WWOX: variants seen among roughly 807,000 people sequenced by gnomAD.
WWOX encodes WW domain-containing oxidoreductase.
WWOX carries 69 observed loss-of-function variants against 46.2 expected under a neutral mutation model. That is an observed-to-expected ratio of 1.49 (90% CI 1.23 to 1.82). WWOX has a LOEUF of 1.82. WWOX is among the 40% of genes most tolerant of loss of function. The probability of loss-of-function intolerance (pLI) is 0.00; values close to 1 mark genes in which losing one functional copy is unlikely to be tolerated. For missense variants in WWOX, 919 were observed against 542.6 expected (o/e 1.69, Z -6.89); for synonymous variants, 359 against 202.6 (o/e 1.77, Z -6.56).
intron 8 of WWOX, among the ~76,000 whole-genome samples, chr16:78,508,055 T>G (rs2085260425): frequency 6.6e-6 from 1 of 151,884 alleles, no homozygotes; most frequent in African/African-American, 2.4e-5. Context: ...TCACTCAGGC[T>G]GGAGTGTAGT....
intron 8 of WWOX, chr16:78,526,012 G>T (rs2043456916): frequency 6.6e-6 from 1 of 152,238 alleles, no homozygotes; most frequent in African/African-American, 2.4e-5. Flanking sequence ...CTGACACCCA[G>T]TAAGCAGCTC....
intron 8 of WWOX, among the ~76,000 whole-genome samples, chr16:78,734,960 G>A (rs1323530855): frequency 7.1e-6 from 1 of 140,874 alleles, no homozygotes; most frequent in Non-Finnish European, 1.5e-5. Context: ...CAGCCTCCCA[G>A]GTTCAAGCGA....
chr16:78,758,274 T>TA (rs2049706362), intron 8 of WWOX, among the ~76,000 whole-genome samples: 1 of 152,224 alleles, frequency 6.6e-6, no homozygotes, highest in Non-Finnish European at 1.5e-5. Context: ...GAGAATACTC[T>TA]AAGCCCAATG....
At chr16:78,336,632 G>C (rs1454893722) in intron 5 of WWOX, among the ~76,000 whole-genome samples, 2 of 152,110 alleles carry the variant, frequency 1.3e-5, no homozygotes, top group Non-Finnish European at 2.9e-5. Context: ...TGTACTTTGG[G>C]AGGTAAGGAC....
intron 5 of WWOX, among the ~76,000 whole-genome samples, chr16:78,310,678 T>G (rs540556303): frequency 6.6e-6 from 1 of 152,218 alleles, no homozygotes; most frequent in South Asian, 2.1e-4. Context: ...CGGGGATTTA[T>G]ACCCCAAAAC....
intron 8 of WWOX, among the ~76,000 whole-genome samples, chr16:78,456,585 C>T (rs561115757): frequency 6.6e-5 from 10 of 152,070 alleles, no homozygotes; most frequent in South Asian, 2.1e-4. Context: ...GTATTTTTTT[C>T]TTCTGATGGG....
chr16:78,663,590 C>A (rs1021520517), intron 8 of WWOX, among the ~76,000 whole-genome samples: 1 of 152,262 alleles, frequency 6.6e-6, no homozygotes, highest in African/African-American at 2.4e-5. Flanking sequence ...AGTTTTAGGG[C>A]AGACTTCTAT....
chr16:78,229,373 C>G (rs1450364736), intron 5 of WWOX, among the ~76,000 whole-genome samples: 1 of 150,804 alleles, frequency 6.6e-6, no homozygotes, highest in African/African-American at 2.4e-5. Flanking sequence ...ATTTTCCATT[C>G]TTTTTAACTC....
chr16:78,395,537 A>G (rs1313552864), intron 6 of WWOX, among the ~76,000 whole-genome samples: 1 of 152,086 alleles, frequency 6.6e-6, no homozygotes, highest in East Asian at 1.9e-4. Flanking sequence ...AAGAGAGAGA[A>G]GGGCAGAAAG....
At chr16:78,713,412 G>GGTATCT (rs2048489120) in intron 8 of WWOX, among the ~76,000 whole-genome samples, 1 of 151,194 alleles carries the variant, frequency 6.6e-6, no homozygotes, top group Non-Finnish European at 1.5e-5. Flanking sequence ...GTTATTATTT[G>GGTATCT]GTATCTGTTA....
chr16:78,127,484 A>G (rs2033409233), intron 4 of WWOX, among the ~76,000 whole-genome samples: 2 of 149,760 alleles, frequency 1.3e-5, no homozygotes, highest in Admixed American at 1.3e-4. Context: ...GCTGGAGGTC[A>G]GTAGCTTTCA....
At chr16:78,623,540 C>T (rs1440384307) in intron 8 of WWOX, among the ~76,000 whole-genome samples, 1 of 151,970 alleles carries the variant, frequency 6.6e-6, no homozygotes. Context: ...ATCAGCCAGG[C>T]ATGGTGGCGC....
intron 8 of WWOX, among the ~76,000 whole-genome samples, chr16:78,954,229 G>C (rs749103067): frequency 1.3e-5 from 2 of 152,086 alleles, no homozygotes; most frequent in Admixed American, 1.3e-4. Context: ...TGGATGTATG[G>C]TTGGATGATT....
At chr16:79,202,536 CTG>C (rs970169155) in intron 8 of WWOX, 7 of 152,384 alleles carry the variant, frequency 4.6e-5, no homozygotes, top group African/African-American at 1.7e-4. Flanking sequence ...CCTGTGTGTG[CTG>C]TGTGTCTTTC....
intron 8 of WWOX, among the ~76,000 whole-genome samples, chr16:79,201,300 T>A (rs2051345318): frequency 6.6e-6 from 1 of 151,892 alleles, no homozygotes; most frequent in Non-Finnish European, 1.5e-5. Context: ...AGAAAGGGCC[T>A]CTCCCTTCCC....
At chr16:78,662,061 TGTA>T (rs891714026) in intron 8 of WWOX, among the ~76,000 whole-genome samples, 5 of 151,890 alleles carry the variant, frequency 3.3e-5, no homozygotes, top group African/African-American at 9.7e-5. Flanking sequence ...TGATAATAAT[TGTA>T]GTAGTAGTAG....
At chr16:78,756,787 G>A (rs114902789) in intron 8 of WWOX, among the ~76,000 whole-genome samples, 1 of 152,078 alleles carries the variant, frequency 6.6e-6, no homozygotes, top group African/African-American at 2.4e-5. Context: ...TCAGTTCTTG[G>A]TAGCCATGTC....
intron 8 of WWOX, among the ~76,000 whole-genome samples, chr16:79,164,585 G>A (rs1265422659): frequency 1.3e-5 from 2 of 152,182 alleles, no homozygotes; most frequent in Non-Finnish European, 2.9e-5. Flanking sequence ...AGAGCTCATG[G>A]TGGAGACCTC....
chr16:78,569,091 A>T (rs566034659), intron 8 of WWOX, among the ~76,000 whole-genome samples: 20 of 152,214 alleles, frequency 1.3e-4, no homozygotes, highest in Admixed American at 1.3e-3. Context: ...TCTGAGGAAC[A>T]CTCAGGTTTG....
Sources: gnomAD v4.1 joint callset for allele counts (sites outside exome capture counted in the v4.1 genomes callset) on GRCh38, gnomAD v4.1.1 for gene constraint, MANE v1.5 for transcripts, NCBI Gene and HGNC (gene_info 2026-07-23, HGNC 2026-07-21) for gene names.